NBEA: variants seen among roughly 807,000 people sequenced by gnomAD.
NBEA encodes neurobeachin.
NBEA carries 44 observed loss-of-function variants against 343.4 expected under a neutral mutation model. The ratio of observed to expected loss-of-function variants is 0.13; its 90% CI spans 0.10 to 0.16. The LOEUF is 0.16. Ranked by LOEUF, NBEA falls within the 10% of genes least tolerant of loss-of-function variation. The pLI is 1.00. For synonymous variants in NBEA, 1,175 were observed against 1,238.7 expected (o/e 0.95, Z 1.08); for missense variants, 2,555 against 3,631.3 (o/e 0.70, Z 7.62).
At chr13:35,571,153 C>T (rs2080394449) in intron 45 of NBEA, among the ~76,000 whole-genome samples, 1 of 151,928 alleles carries the variant, frequency 6.6e-6, no homozygotes, top group Non-Finnish European at 1.5e-5. Flanking sequence ...CATGTGGTAC[C>T]CCAAATACTT....
intron 51 of NBEA, among the ~76,000 whole-genome samples, chr13:35,648,142 G>A (rs2084330697): frequency 6.7e-6 from 1 of 149,992 alleles, no homozygotes; most frequent in African/African-American, 2.5e-5. Flanking sequence ...GGGAATACAG[G>A]CATAAGCCAC....
intron 38 of NBEA, among the ~76,000 whole-genome samples, chr13:35,356,994 A>G (rs2040526946): frequency 6.6e-6 from 1 of 152,178 alleles, no homozygotes; most frequent in Non-Finnish European, 1.5e-5. Context: ...CACTTGGCAT[A>G]TAATTTACTG....
Position 35,205,313 on chromosome 13 carries a change from T to C in NBEA, c.5367-3387T>C, listed in dbSNP as rs556237935. On this transcript the variant is annotated intron_variant, in intron 31 of 58. Transcript: ENST00000379939. Reference sequence around the variant, plus strand: ...TTCTCTCAACTAAACCCTTGTAACTTGGTCATCTCAGCCATTTGAACACAT... The same window carrying C: ...TTCTCTCAACTAAACCCTTGTAACTCGGTCATCTCAGCCATTTGAACACAT... Among the ~76,000 whole-genome samples, 7 of 152,286 alleles carry C rather than the reference T, an allele frequency of 4.6e-5. No individual in the cohort carries two copies. The South Asian group carries it at 1.5e-3, about 32-fold the overall frequency.
In NBEA at chr13:35,159,964, GA is replaced by G; in HGVS notation, c.3796del (p.Arg1266GlyfsTer40). On this transcript the variant is annotated frameshift_variant, in exon 22 of 59. Coordinates refer to ENST00000379939, the MANE Select transcript of NBEA (RefSeq NM_001385012.1). LOFTEE classifies it high-confidence loss of function. ...IDAGSIISDT[E>X]RSDDGKESGK... ...TGCAGGAAGTATAATTTCAGATACT[GA>G]AAGGTCTGACGATGGCAAAGAATCA... is the stretch of plus-strand genomic sequence containing the variant. 6.3e-7 allele frequency: 1 copy of G among 1,595,172 alleles called. No individual in the cohort carries two copies. The highest frequency in any genetic ancestry group is 8.5e-7 in the Non-Finnish European group (1 of 1,170,364).
chr13:35,433,339 C>G (rs545506575), intron 39 of NBEA, among the ~76,000 whole-genome samples: 10 of 152,048 alleles, frequency 6.6e-5, no homozygotes, highest in African/African-American at 2.4e-4. Flanking sequence ...GTTTGTTATC[C>G]ACTTTTGTTC....
intron 11 of NBEA, among the ~76,000 whole-genome samples, chr13:35,099,300 G>A (rs1239629438): frequency 1.3e-5 from 2 of 148,870 alleles, no homozygotes; most frequent in African/African-American, 2.5e-5. Flanking sequence ...CCAGGTTCAC[G>A]CCATTCTCCT....
intron 40 of NBEA, among the ~76,000 whole-genome samples, chr13:35,469,746 G>A (rs913681755): frequency 6.6e-6 from 1 of 152,176 alleles, no homozygotes; most frequent in Admixed American, 6.5e-5. Flanking sequence ...TAAATGTGTA[G>A]TTACTTAAGT....
At chr13:35,457,940 G>T (rs1263559476) in intron 40 of NBEA, among the ~76,000 whole-genome samples, 2 of 152,192 alleles carry the variant, frequency 1.3e-5, no homozygotes, top group Admixed American at 6.5e-5. Flanking sequence ...TTATTCCATT[G>T]TATGGATACA....
At chr13:35,073,182 A>G (rs2063950354) in intron 10 of NBEA, among the ~76,000 whole-genome samples, 1 of 152,210 alleles carries the variant, frequency 6.6e-6, no homozygotes, top group African/African-American at 2.4e-5. Context: ...TGAAAAATAC[A>G]GATTCATGGC....
chr13:35,203,721 C>A (rs967474003), intron 31 of NBEA, among the ~76,000 whole-genome samples: 18 of 152,122 alleles, frequency 1.2e-4, no homozygotes, highest in Non-Finnish European at 2.6e-4. Flanking sequence ...ACATGTATTA[C>A]TTATTAGTCA....
chr13:35,048,249 T>C (rs774150338), intron 4 of NBEA, among the ~76,000 whole-genome samples: 12 of 151,968 alleles, frequency 7.9e-5, no homozygotes, highest in Non-Finnish European at 1.6e-4. Flanking sequence ...GGGAGGCTTA[T>C]GTGTAAGAGA....
chr13:35,238,426 G>A (rs1291946068), intron 34 of NBEA, among the ~76,000 whole-genome samples: 1 of 152,192 alleles, frequency 6.6e-6, no homozygotes, highest in Non-Finnish European at 1.5e-5. Context: ...TCTACTCAGT[G>A]TTTTTACTTT....
At chr13:35,220,178 A>G (rs542379820) in intron 33 of NBEA, among the ~76,000 whole-genome samples, 7 of 152,308 alleles carry the variant, frequency 4.6e-5, no homozygotes, top group African/African-American at 1.7e-4. Context: ...CAAATTTTGC[A>G]GACATACATG....
chr13:35,211,035 T>A lies in NBEA; in HGVS notation c.5522-18T>A. On this transcript the variant is annotated intron_variant, in intron 32 of 58. Coordinates refer to ENST00000379939, the MANE Select transcript of NBEA (RefSeq NM_001385012.1). ...ATAAATTTATGTTTAAGGCTAAAAA[T>A]TATTATTTTGGGAACAGGTGCCGTG... is the stretch of plus-strand genomic sequence containing the variant. 1 of 1,544,306 alleles carries A rather than the reference T, an allele frequency of 6.5e-7. No homozygotes were observed. The highest frequency in any genetic ancestry group is 8.7e-7 in the Non-Finnish European group (1 of 1,144,566).
chr13:35,196,759 C>T (rs2072636600), intron 31 of NBEA, among the ~76,000 whole-genome samples: 1 of 151,884 alleles, frequency 6.6e-6, no homozygotes, highest in Non-Finnish European at 1.5e-5. Context: ...AAATTTGAAC[C>T]TTAAATGGAA....
chr13:34,954,897 T>C (rs530345941), intron 1 of NBEA, among the ~76,000 whole-genome samples: 15 of 152,292 alleles, frequency 9.8e-5, no homozygotes, highest in Admixed American at 5.9e-4. Context: ...ATTGGTTGAA[T>C]CTATGGATGT....
chr13:35,005,045 A>G (rs985198428), intron 1 of NBEA, among the ~76,000 whole-genome samples: 1 of 152,178 alleles, frequency 6.6e-6, no homozygotes, highest in Non-Finnish European at 1.5e-5. Context: ...ATTATCAACT[A>G]TGTGCCAAGC....
At chr13:35,613,542 T>G (rs1328246275) in intron 48 of NBEA, among the ~76,000 whole-genome samples, 1 of 152,150 alleles carries the variant, frequency 6.6e-6, no homozygotes, top group Non-Finnish European at 1.5e-5. Flanking sequence ...GCATACTGAT[T>G]TCAGTTACTT....
chr13:35,256,109 G>A (rs2032562653), intron 34 of NBEA, among the ~76,000 whole-genome samples: 1 of 152,184 alleles, frequency 6.6e-6, no homozygotes, highest in South Asian at 2.1e-4. Context: ...CCTATCTGCA[G>A]GCAGGTTGTC....
Sources: allele counts gnomAD v4.1 joint callset (sites outside exome capture counted in the v4.1 genomes callset), GRCh38; gene constraint gnomAD v4.1.1; transcripts MANE v1.5; gene names NCBI Gene and HGNC (gene_info 2026-07-23, HGNC 2026-07-21).